RNF2: variants seen among roughly 807,000 people sequenced by gnomAD.
The protein encoded by RNF2 is ring finger protein 2.
Under a neutral mutation model 37.2 loss-of-function variants are expected in RNF2, and 6 were observed. That is an observed-to-expected ratio of 0.16 (90% CI 0.09 to 0.32). The LOEUF (loss-of-function observed/expected upper bound fraction) is 0.32, where lower values mean the gene tolerates loss of function less well. Ranked by LOEUF, RNF2 falls within the 10% of genes least tolerant of loss-of-function variation. RNF2 has a pLI of 1.00. For missense variants in RNF2, 251 were observed against 404.0 expected, an observed-to-expected ratio of 0.62 and a Z score of 3.25; for synonymous variants, 133 against 132.7, an observed-to-expected ratio of 1.00 and a Z score of -0.02.
At chr1:185,096,137 A>G (rs1007667046) in intron 4 of RNF2, among the ~76,000 whole-genome samples, 3 of 152,188 alleles carry the variant, frequency 2.0e-5, no homozygotes, top group African/African-American at 7.2e-5. Context: ...TTTATGGTCA[A>G]ATAACTTTTC....
chr1:185,065,280 A>G (rs1650767273), intron 1 of RNF2, among the ~76,000 whole-genome samples: 1 of 152,224 alleles, frequency 6.6e-6, no homozygotes, highest in Non-Finnish European at 1.5e-5. Context: ...CAGCACTGTG[A>G]AAAAATGGAC....
intron 1 of RNF2, among the ~76,000 whole-genome samples, chr1:185,057,809 A>G (rs2102157313): frequency 6.6e-6 from 1 of 151,990 alleles, no homozygotes; most frequent in East Asian, 1.9e-4. Context: ...AAAGGGGAAA[A>G]AAAAAAAAAA....
intron 5 of RNF2, among the ~76,000 whole-genome samples, chr1:185,099,128 T>G (rs1327150530): frequency 6.6e-6 from 1 of 150,778 alleles, no homozygotes; most frequent in East Asian, 2.0e-4. Context: ...CTTGGCTGAC[T>G]GCAACCTTTG....
chr1:185,081,824 A>G (rs1438286320), intron 1 of RNF2, among the ~76,000 whole-genome samples: 1 of 152,130 alleles, frequency 6.6e-6, no homozygotes, highest in Non-Finnish European at 1.5e-5. Context: ...TTTTCGGTGC[A>G]TCTCGATTTG....
At chr1:185,078,043 C>T (rs935567179) in intron 1 of RNF2, among the ~76,000 whole-genome samples, 5 of 152,114 alleles carry the variant, frequency 3.3e-5, no homozygotes, top group Non-Finnish European at 2.9e-5. Flanking sequence ...GTTTGAGGTT[C>T]GAGACTAGCC....
At chr1:185,087,124 A>G (rs1392108749) in intron 1 of RNF2, among the ~76,000 whole-genome samples, 1 of 152,212 alleles carries the variant, frequency 6.6e-6, no homozygotes, top group Non-Finnish European at 1.5e-5. Context: ...CAAGATTAAC[A>G]ATTCCTAAAA....
chr1:185,056,349 C>CT lies in RNF2; in HGVS notation c.-3+10714dup, dbSNP rs879922852. On this transcript the variant is annotated intron_variant, in intron 1 of 6. Transcript: ENST00000367510. ...TTTACAAGATAAATTATCCATCATT[C>CT]TTTTTTTTTTTTTTCTCATTTTTTT... Among the ~76,000 whole-genome samples, 507 of 140,872 alleles carry CT rather than the reference C, an allele frequency of 3.6e-3. 1 individual carries two copies. The highest frequency in any genetic ancestry group is 7.3e-3 in the African/African-American group (281 of 38,630). The allele number at this position is 140,872 out of a possible 152,430, so 92.4% of individuals were successfully genotyped here. A position where few individuals can be genotyped will look rare whatever the true frequency, so the allele number is the denominator to read the frequency against.
intron 1 of RNF2, among the ~76,000 whole-genome samples, chr1:185,085,493 GTC>G (rs1455524560): frequency 6.6e-6 from 1 of 151,742 alleles, no homozygotes; most frequent in Non-Finnish European, 1.5e-5. Context: ...CTCTAATTCC[GTC>G]TCTGTGTCCA....
At chr1:185,064,698 T>C (rs1283529366) in intron 1 of RNF2, among the ~76,000 whole-genome samples, 7 of 152,232 alleles carry the variant, frequency 4.6e-5, no homozygotes, top group Admixed American at 1.3e-4. Context: ...TAATATTTTG[T>C]CTTCAAATCC....
At chr1:185,056,212 G>A (rs1650429680) in intron 1 of RNF2, among the ~76,000 whole-genome samples, 1 of 151,992 alleles carries the variant, frequency 6.6e-6, no homozygotes, top group Non-Finnish European at 1.5e-5. Context: ...TGTGTATAGT[G>A]TAGATAACAT....
chr1:185,068,072 C>T (rs1054829735), intron 1 of RNF2, among the ~76,000 whole-genome samples: 1 of 151,816 alleles, frequency 6.6e-6, no homozygotes, highest in East Asian at 1.9e-4. Flanking sequence ...GGTACGATCT[C>T]GGCTCGCTGC....
chr1:185,085,329 T>G (rs1246266981), intron 1 of RNF2, among the ~76,000 whole-genome samples: 1 of 151,794 alleles, frequency 6.6e-6, no homozygotes, highest in Admixed American at 6.6e-5. Flanking sequence ...TTTGTATTTT[T>G]AGTAGAGACG....
At chr1:185,060,030 C>T (rs981092161) in intron 1 of RNF2, among the ~76,000 whole-genome samples, 3 of 152,164 alleles carry the variant, frequency 2.0e-5, no homozygotes, top group African/African-American at 7.2e-5. Flanking sequence ...TGACTTCTTG[C>T]GTTGCCACTT....
At chr1:185,061,918 T>C (rs1650618559) in intron 1 of RNF2, among the ~76,000 whole-genome samples, 1 of 152,226 alleles carries the variant, frequency 6.6e-6, no homozygotes, top group Non-Finnish European at 1.5e-5. Flanking sequence ...GACCCTCAGC[T>C]ATAAGTGACC....
intron 1 of RNF2, among the ~76,000 whole-genome samples, chr1:185,085,313 T>C (rs1465475165): frequency 6.6e-6 from 1 of 151,752 alleles, no homozygotes; most frequent in African/African-American, 2.4e-5. Flanking sequence ...CGTGCCCAGC[T>C]AATTTTTTGT....
rs1253741580 is a variant in RNF2, at chr1:185,091,884, T to G, written c.248+145T>G. Reference sequence around the variant, plus strand: ...AGGCTGGAGTGCAATGGCACGATCTTGGCTCACTGCAACCTCTGCCTCCTG... The same window carrying G: ...AGGCTGGAGTGCAATGGCACGATCTGGGCTCACTGCAACCTCTGCCTCCTG... On this transcript the variant is annotated intron_variant, in intron 3 of 6. Coordinates refer to ENST00000367510, the MANE Select transcript of RNF2 (RefSeq NM_007212.4). 7 of 696,782 alleles carry G rather than the reference T, an allele frequency of 1.0e-5. No homozygotes were observed. The African/African-American group carries it at 1.3e-4, about 13-fold the overall frequency. The allele number at this position is 696,782 out of a possible 1,614,324, so 43.2% of individuals were successfully genotyped here.
At chr1:185,080,900 A>C (rs1185349732) in intron 1 of RNF2, among the ~76,000 whole-genome samples, 4 of 152,198 alleles carry the variant, frequency 2.6e-5, no homozygotes, top group African/African-American at 7.2e-5. Context: ...AGGCAGAAGG[A>C]GTGTTCTGCT....
intron 1 of RNF2, chr1:185,046,168 T>G: frequency 1.4e-5 from 2 of 146,716 alleles, no homozygotes; most frequent in African/African-American, 5.1e-5. Context: ...TTCTGGGGGG[T>G]CGGAGTCGGG....
chr1:185,055,849 A>G (rs1319384662), intron 1 of RNF2, among the ~76,000 whole-genome samples: 1 of 149,720 alleles, frequency 6.7e-6, no homozygotes, highest in African/African-American at 2.5e-5. Flanking sequence ...CCTTGATCTT[A>G]AAATTTTTAG....
Sources: allele counts gnomAD v4.1 joint callset (sites outside exome capture counted in the v4.1 genomes callset), GRCh38; gene constraint gnomAD v4.1.1; transcripts MANE v1.5; gene names NCBI Gene and HGNC (gene_info 2026-07-23, HGNC 2026-07-21).